GRID2: variants seen among roughly 807,000 people sequenced by gnomAD.
GRID2 encodes the protein glutamate ionotropic receptor delta type subunit 2, also known as glutamate receptor ionotropic, delta-2.
Under a neutral mutation model 114.8 loss-of-function variants are expected in GRID2, and 33 were observed. The ratio of observed to expected loss-of-function variants is 0.29; its 90% CI spans 0.22 to 0.38. The LOEUF (loss-of-function observed/expected upper bound fraction) is 0.38, where lower values mean the gene tolerates loss of function less well. GRID2 is among the 10% of genes least tolerant of loss of function. GRID2 has a pLI of 1.00. For missense variants in GRID2, 1,184 were observed against 1,257.7 expected (o/e 0.94, Z 0.89); for synonymous variants, 505 against 449.9 (o/e 1.12, Z -1.55).
chr4:93,572,203 T>C (rs769020938), intron 13 of GRID2, among the ~76,000 whole-genome samples: 3 of 152,256 alleles, frequency 2.0e-5, no homozygotes, highest in Non-Finnish European at 4.4e-5. Context: ...TCTTGAACTA[T>C]CTGATACGTC....
At chr4:93,608,365 G>T (rs71616386) in intron 13 of GRID2, among the ~76,000 whole-genome samples, 6 of 131,612 alleles carry the variant, frequency 4.6e-5, no homozygotes, top group Admixed American at 1.6e-4. Context: ...CATTGTGCAG[G>T]TTAGTTACAT....
chr4:92,970,719 C>T (rs985043375), intron 2 of GRID2, among the ~76,000 whole-genome samples: 1 of 151,518 alleles, frequency 6.6e-6, no homozygotes, highest in Non-Finnish European at 1.5e-5. Flanking sequence ...TGATATAAAG[C>T]TAACTGATAG....
At chr4:93,418,360 A>G (rs1243454422) in intron 9 of GRID2, among the ~76,000 whole-genome samples, 2 of 151,616 alleles carry the variant, frequency 1.3e-5, no homozygotes, top group Non-Finnish European at 2.9e-5. Context: ...TCTGTTTCTA[A>G]TCTATTAATG....
intron 4 of GRID2, among the ~76,000 whole-genome samples, chr4:93,181,433 C>A (rs1739886526): frequency 6.6e-6 from 1 of 152,120 alleles, no homozygotes; most frequent in Admixed American, 6.6e-5. Flanking sequence ...GTAAGGAATA[C>A]TGGCTTCAAC....
intron 2 of GRID2, among the ~76,000 whole-genome samples, chr4:92,690,513 A>G (rs1030337486): frequency 6.6e-6 from 1 of 152,220 alleles, no homozygotes; most frequent in Non-Finnish European, 1.5e-5. Flanking sequence ...ATATCTCAAG[A>G]GTTACCAAAA....
intron 2 of GRID2, among the ~76,000 whole-genome samples, chr4:92,690,342 A>G (rs986158608): frequency 6.6e-6 from 1 of 152,190 alleles, no homozygotes; most frequent in African/African-American, 2.4e-5. Context: ...ACATGGGAAC[A>G]GTTGGTAAGT....
At chr4:92,499,529 A>G (rs1229909006) in intron 1 of GRID2, among the ~76,000 whole-genome samples, 1 of 152,232 alleles carries the variant, frequency 6.6e-6, no homozygotes, top group African/African-American at 2.4e-5. Flanking sequence ...AGCAGAAATA[A>G]AATTCCAAAT....
intron 13 of GRID2, among the ~76,000 whole-genome samples, chr4:93,541,979 T>G (rs1156711965): frequency 6.6e-6 from 1 of 152,216 alleles, no homozygotes; most frequent in Non-Finnish European, 1.5e-5. Context: ...TTTCCTAAAT[T>G]GAACTATTTT....
At chr4:93,290,566 A>G (rs975071187) in intron 8 of GRID2, among the ~76,000 whole-genome samples, 2 of 152,060 alleles carry the variant, frequency 1.3e-5, no homozygotes, top group Non-Finnish European at 2.9e-5. Flanking sequence ...AGTAAGAGTC[A>G]TCTATGCATG....
chr4:92,509,888 A>G (rs549175347), intron 1 of GRID2, among the ~76,000 whole-genome samples: 1 of 152,046 alleles, frequency 6.6e-6, no homozygotes, highest in Admixed American at 6.6e-5. Flanking sequence ...ATTCCAAGGG[A>G]TAAGGGAAGG....
At chr4:92,549,650 AT>A (rs996618946) in intron 1 of GRID2, among the ~76,000 whole-genome samples, 2 of 152,164 alleles carry the variant, frequency 1.3e-5, no homozygotes, top group Non-Finnish European at 2.9e-5. Flanking sequence ...ATTTTAAGGC[AT>A]TTTTTGGTAT....
intron 2 of GRID2, among the ~76,000 whole-genome samples, chr4:92,642,297 A>T (rs570697625): frequency 6.6e-6 from 1 of 151,826 alleles, no homozygotes; most frequent in Non-Finnish European, 1.5e-5. Flanking sequence ...CCACACCCTC[A>T]TCAACATCTG....
rs761830991 is a variant in GRID2 at position 93,598,396 on chromosome 4, C to G, written c.2194-27873C>G. ...ACTCATTCCTTCTCATGCTTCCTTT[C>G]TCACTCACTCTCTTTTAAAGTTTTT... On this transcript the variant is annotated intron_variant, in intron 13 of 15. Transcript: ENST00000282020. 2.3e-3 allele frequency among the ~76,000 whole-genome samples: 356 copies of G among 152,162 alleles called. 5 individuals are homozygous for G. The highest frequency in any genetic ancestry group is 1.8e-3 in the Non-Finnish European group (121 of 67,992).
intron 12 of GRID2, among the ~76,000 whole-genome samples, chr4:93,499,039 G>A (rs180997565): frequency 2.0e-5 from 3 of 151,806 alleles, no homozygotes; most frequent in East Asian, 1.9e-4. Context: ...TGGTATGCTC[G>A]GGTAATTTTT....
intron 1 of GRID2, among the ~76,000 whole-genome samples, chr4:92,330,267 C>G (rs943662476): frequency 6.6e-6 from 1 of 152,076 alleles, no homozygotes; most frequent in East Asian, 1.9e-4. Flanking sequence ...AAAACCTCTC[C>G]CTGAATATCC....
intron 4 of GRID2, among the ~76,000 whole-genome samples, chr4:93,134,219 T>C (rs1219492797): frequency 6.6e-6 from 1 of 152,164 alleles, no homozygotes; most frequent in East Asian, 1.9e-4. Context: ...TTGGCTTCCA[T>C]ATAGGTCTAC....
At chr4:92,897,739 A>C (rs1442275379) in intron 2 of GRID2, among the ~76,000 whole-genome samples, 1 of 152,172 alleles carries the variant, frequency 6.6e-6, no homozygotes, top group African/African-American at 2.4e-5. Context: ...GAACACAACG[A>C]AAAAAGGAAA....
At chr4:92,583,655 T>TTA (rs76911864) in intron 1 of GRID2, among the ~76,000 whole-genome samples, 221 of 148,296 alleles carry the variant, frequency 1.5e-3, no homozygotes, top group Middle Eastern at 3.6e-3. Flanking sequence ...CAGATAATAA[T>TTA]TATATATATA....
chr4:92,732,149 T>A (rs1264594566), intron 2 of GRID2, among the ~76,000 whole-genome samples: 1 of 152,008 alleles, frequency 6.6e-6, no homozygotes, highest in Non-Finnish European at 1.5e-5. Context: ...CCCCATCCCA[T>A]TCATTTAAAT....
Sources: gnomAD v4.1 joint callset for allele counts (sites outside exome capture counted in the v4.1 genomes callset) on GRCh38, gnomAD v4.1.1 for gene constraint, MANE v1.5 for transcripts, NCBI Gene and HGNC (gene_info 2026-07-23, HGNC 2026-07-21) for gene names.